The following VWF variants were observed in gnomAD, a reference collection of about 807,000 sequenced individuals.
VWF encodes von Willebrand factor, also known as Factor VIII related antigen.
VWF carries 176 observed loss-of-function variants against 308.6 expected under a neutral mutation model. The observed-to-expected ratio is 0.57, with a 90% CI of 0.50 to 0.65. VWF has a LOEUF of 0.65. VWF is among the 30% of genes least tolerant of loss of function. VWF has a pLI of 0.00. For synonymous variants in VWF, 1,385 were observed against 1,443.4 expected (o/e 0.96, Z 0.92); for missense variants, 3,146 against 3,648.2 (o/e 0.86, Z 3.55).
At chr12:6,104,502 A>G (rs893402713) in intron 5 of VWF, among the ~76,000 whole-genome samples, 7 of 151,890 alleles carry the variant, frequency 4.6e-5, no homozygotes, top group Non-Finnish European at 7.4e-5. Flanking sequence ...CCTGGCCAAC[A>G]TGGTGAAACC....
chr12:6,002,245 C>A (rs216804), intron 34 of VWF, among the ~76,000 whole-genome samples: 87,036 of 151,228 alleles, frequency 0.58, 25,416 homozygotes, highest in East Asian at 0.74. Context: ...AGCAGAAATC[C>A]ATAAAGTAGA....
intron 22 of VWF, among the ~76,000 whole-genome samples, chr12:6,026,511 T>C (rs1944194538): frequency 6.6e-6 from 1 of 152,180 alleles, no homozygotes; most frequent in African/African-American, 2.4e-5. Context: ...AAGTGCAGCC[T>C]GTTCAGAGTA....
chr12:6,081,501 A>C (rs1466067139), intron 6 of VWF, among the ~76,000 whole-genome samples: 1 of 152,068 alleles, frequency 6.6e-6, no homozygotes, highest in East Asian at 1.9e-4. Flanking sequence ...AACCATGCCC[A>C]GCTAATTTTT....
At chr12:6,012,043 C>G (rs764605647) in intron 33 of VWF, 44 bp downstream of exon 33, 4 of 1,608,294 alleles carry the variant, frequency 2.5e-6, no homozygotes, top group Non-Finnish European at 3.4e-6. Flanking sequence ...GAGCCCCAAA[C>G]ACATCTCTAA....
Position 6,096,527 on chromosome 12 carries a change from AGG to A in VWF, c.533-945_533-944del, listed in dbSNP as rs554970265. Among the ~76,000 whole-genome samples the A allele has an allele frequency of 1.3e-3, 193 of 152,304 alleles. 1 individual carries two copies. The highest frequency in any genetic ancestry group is 4.4e-3 in the African/African-American group (181 of 41,560). ...CATTCAACTGTGAGCTCCTTACTTA[AGG>A]GTATGGGCTGTGTCTCTTATCTCTA... On this transcript the variant is annotated intron_variant, in intron 5 of 51. Transcript: ENST00000261405.
chr12:6,084,146 C>T (rs1398017532), intron 6 of VWF, among the ~76,000 whole-genome samples: 1 of 152,202 alleles, frequency 6.6e-6, no homozygotes, highest in African/African-American at 2.4e-5. Flanking sequence ...CTTGGACCTA[C>T]CCTAGATGGT....
chr12:5,989,661 C>G (rs956303184), intron 38 of VWF, among the ~76,000 whole-genome samples: 1 of 152,028 alleles, frequency 6.6e-6, no homozygotes, highest in Non-Finnish European at 1.5e-5. Flanking sequence ...GAAGATGAGG[C>G]GGGCAGTGAA....
intron 5 of VWF, among the ~76,000 whole-genome samples, chr12:6,099,273 C>T (rs929934329): frequency 5.4e-5 from 8 of 146,894 alleles, no homozygotes; most frequent in Non-Finnish European, 1.2e-4. Context: ...GAGCCCCGAT[C>T]GCGCCACTGC....
chr12:6,056,254 G>A (rs1410757524), intron 15 of VWF, among the ~76,000 whole-genome samples: 11 of 150,542 alleles, frequency 7.3e-5, no homozygotes, highest in African/African-American at 2.7e-4. Flanking sequence ...TGCAGCAAAT[G>A]TCCCCAGAGC....
chr12:5,997,279 T>C (rs1345157126), intron 34 of VWF, among the ~76,000 whole-genome samples: 1 of 152,188 alleles, frequency 6.6e-6, no homozygotes, highest in Non-Finnish European at 1.5e-5. Context: ...CTAACATCCA[T>C]GCTGCAAGTG....
intron 21 of VWF, among the ~76,000 whole-genome samples, chr12:6,030,114 C>T (rs566003377): frequency 6.4e-4 from 97 of 152,178 alleles, no homozygotes; most frequent in Non-Finnish European, 1.2e-3. Context: ...GCATGTGTGG[C>T]GGACTCTCCA....
rs760663602 is a variant in VWF, at chr12:5,983,226, G to A, written c.7005C>T (p.Pro2335=). The A allele has an allele frequency of 5.0e-6, 8 of 1,613,934 alleles. No homozygotes were observed. The highest frequency in any genetic ancestry group is 6.8e-6 in the Non-Finnish European group (8 of 1,179,986). Residue 2335 remains proline (P), a synonymous_variant, in exon 41 of 52, where the codon CCC becomes CCT. Transcript: ENST00000261405. ...CVCDPVSCDL[P]PVPHCERGLQ... is the part of the protein sequence containing the mutation. ...GGCCACGTTCACAGTGAGGCACTGG[G>A]GGCAGGTCACAGCTCACTGGGTCAC...
In VWF at chr12:6,019,422, C is replaced by A; in HGVS notation, c.3996G>T (p.Lys1332Asn). The change falls in exon 28 of 52, where the codon AAG becomes AAT. Residue 1332 changes from lysine (K) to asparagine (N), a missense_variant. Around this residue, in one of 3 missense-constraint regions of VWF, gnomAD observed 853 missense variants for 1,177.8 expected, o/e 0.72. Transcript: ENST00000261405. This position sits in a 1 kb window ranked among gnomAD's most constrained non-coding sequence, Gnocchi z 5.8. ...GCAGCTCTGACGGTCGCTTCCGGTC[C>A]TTGAGCCCGATGTAGGCGTGGGAGC... is the stretch of plus-strand genomic sequence containing the variant. Reference protein sequence around the residue: ...HDGSHAYIGLKDRKRPSELRR... With the variant: ...HDGSHAYIGLNDRKRPSELRR... The A allele has an allele frequency of 6.2e-7, 1 of 1,613,964 alleles. No homozygotes were observed. Among genetic ancestry groups the A allele is most frequent in the Non-Finnish European group, 8.5e-7 (1 of 1,179,872 alleles).
intron 3 of VWF, among the ~76,000 whole-genome samples, chr12:6,119,537 C>T (rs1002657251): frequency 6.6e-6 from 1 of 152,164 alleles, no homozygotes; most frequent in Non-Finnish European, 1.5e-5. Context: ...CCTAGGGCTC[C>T]TCACACACAC....
intron 14 of VWF, 67 bp from the exon 15 acceptor site, chr12:6,057,139 A>G (rs1272491386): frequency 2.1e-6 from 3 of 1,421,836 alleles, no homozygotes; most frequent in South Asian, 2.6e-5. Context: ...CTCCCGGTCA[A>G]CACTCCCCTG....
chr12:6,041,377 C>A (rs182040614), intron 18 of VWF, among the ~76,000 whole-genome samples: 3 of 151,522 alleles, frequency 2.0e-5, no homozygotes, highest in Non-Finnish European at 4.4e-5. Context: ...TTGCAGTGAG[C>A]CGAGACCATG....
intron 5 of VWF, among the ~76,000 whole-genome samples, chr12:6,103,065 T>C (rs546681499): frequency 1.5e-4 from 23 of 152,150 alleles, no homozygotes; most frequent in South Asian, 4.2e-4. Flanking sequence ...TGGTGGCTCA[T>C]GCCTGTAATC....
At chr12:5,959,810 A>G (rs961016082) in intron 47 of VWF, among the ~76,000 whole-genome samples, 1 of 151,918 alleles carries the variant, frequency 6.6e-6, no homozygotes, top group African/African-American at 2.4e-5. Flanking sequence ...AAAAAACAAT[A>G]TATCAAAATC....
chr12:5,954,799 A>G (rs995755527), intron 47 of VWF, among the ~76,000 whole-genome samples: 2 of 152,194 alleles, frequency 1.3e-5, no homozygotes, highest in Non-Finnish European at 1.5e-5. Context: ...CACACGGGAG[A>G]GAGTTTGCTG....
Sources: allele counts gnomAD v4.1 joint callset (sites outside exome capture counted in the v4.1 genomes callset), GRCh38; gene constraint gnomAD v4.1.1; regional missense constraint gnomAD v4.1.1; non-coding constraint Gnocchi (gnomAD v3.1); transcripts MANE v1.5; gene names NCBI Gene and HGNC (gene_info 2026-07-23, HGNC 2026-07-21).